DCC: variants seen among roughly 807,000 people sequenced by gnomAD.
The protein encoded by DCC is DCC netrin 1 receptor, also known as netrin receptor DCC.
In DCC, 58 loss-of-function variants were observed where a neutral mutation model predicts 172.5. The observed-to-expected ratio is 0.34, with a 90% CI of 0.27 to 0.42. DCC has a LOEUF of 0.42. Ranked by LOEUF, DCC falls within the 10% of genes least tolerant of loss-of-function variation. The pLI, the probability that DCC is intolerant of heterozygous loss-of-function variation, is 1.00. For synonymous variants in DCC, 709 were observed against 644.5 expected (o/e 1.10, Z -1.52); for missense variants, 1,740 against 1,791.0 (o/e 0.97, Z 0.51).
chr18:52,409,181 A>T (rs1165449524), intron 1 of DCC: 1 of 152,126 alleles, frequency 6.6e-6, no homozygotes, highest in African/African-American at 2.4e-5. Flanking sequence ...TATTCCATTT[A>T]CATTGCACCT....
chr18:52,593,339 T>C (rs548887565), intron 1 of DCC, among the ~76,000 whole-genome samples: 262 of 152,284 alleles, frequency 1.7e-3, no homozygotes, highest in Non-Finnish European at 2.9e-3. Context: ...TCCCACTACG[T>C]AAAACTCCCT....
At chr18:52,808,472 T>C (rs2038129942) in intron 2 of DCC, among the ~76,000 whole-genome samples, 1 of 151,758 alleles carries the variant, frequency 6.6e-6, no homozygotes, top group African/African-American at 2.4e-5. Flanking sequence ...ATAAATCTTG[T>C]CATGAAAAAC....
intron 2 of DCC, among the ~76,000 whole-genome samples, chr18:52,887,298 C>T (rs539676578): frequency 6.6e-6 from 1 of 151,774 alleles, no homozygotes; most frequent in Admixed American, 6.6e-5. Context: ...TAGAAACAAT[C>T]ATCAATGGTT....
At position 52,783,467 on chromosome 18, in the gene DCC, C is replaced by T. The variant is rs118064373; in HGVS notation, c.412+31093C>T. ...TGTAATGTGACTTGAGACCTAACAA[C>T]ACCCTCTAATTCTTTCTGAATCCTT... On this transcript the variant is annotated intron_variant, in intron 2 of 28. Transcript: ENST00000442544. Among the ~76,000 whole-genome samples the T allele has an allele frequency of 5.4e-3, 810 of 150,608 alleles. 3 individuals carry two copies. Among genetic ancestry groups the T allele is most frequent in the Non-Finnish European group, 9.6e-3 (653 of 67,740 alleles).
intron 8 of DCC, among the ~76,000 whole-genome samples, chr18:53,158,789 C>T (rs913391122): frequency 1.3e-5 from 2 of 151,870 alleles, no homozygotes; most frequent in Non-Finnish European, 2.9e-5. Context: ...GTCAGGAGTT[C>T]AAGACCAGCC....
At chr18:52,673,316 C>T (rs2035587541) in intron 1 of DCC, among the ~76,000 whole-genome samples, 2 of 152,094 alleles carry the variant, frequency 1.3e-5, no homozygotes, top group African/African-American at 4.8e-5. Context: ...TGTCATGTTT[C>T]CTTAGTCTCA....
intron 12 of DCC, among the ~76,000 whole-genome samples, chr18:53,221,837 C>T (rs1449655055): frequency 6.6e-6 from 1 of 152,126 alleles, no homozygotes. Context: ...GGAAGAGATG[C>T]CTCACTTCCC....
chr18:53,370,327 GAGTCTTCTATTTTTCTT>G (rs1055487248), intron 15 of DCC, among the ~76,000 whole-genome samples: 11 of 151,562 alleles, frequency 7.3e-5, no homozygotes, highest in Non-Finnish European at 1.5e-4. Flanking sequence ...TCAGTAATTT[GAGTCTTCTATTTTTCTT>G]AGTTCATCAA....
intron 1 of DCC, among the ~76,000 whole-genome samples, chr18:52,459,127 C>G (rs144898022): frequency 6.6e-6 from 1 of 152,228 alleles, no homozygotes; most frequent in East Asian, 1.9e-4. Context: ...CCACAGAATT[C>G]TCTGATAACT....
chr18:53,407,528 G>GAT (rs74180422), intron 19 of DCC, among the ~76,000 whole-genome samples: 6,183 of 117,336 alleles, frequency 0.053, 213 homozygotes, highest in Middle Eastern at 0.099. Flanking sequence ...TTTTATTCTG[G>GAT]ATATATATAT....
intron 5 of DCC, among the ~76,000 whole-genome samples, chr18:52,962,269 A>G (rs955839203): frequency 1.1e-4 from 17 of 152,170 alleles, no homozygotes; most frequent in Admixed American, 8.5e-4. Context: ...CAAGAAAAAA[A>G]CAACCCCATC....
chr18:53,185,597 C>T (rs1417174099), intron 9 of DCC, among the ~76,000 whole-genome samples: 7 of 152,092 alleles, frequency 4.6e-5, no homozygotes, highest in African/African-American at 7.2e-5. Context: ...CCACATCTCA[C>T]GAATTCATAT....
intron 12 of DCC, among the ~76,000 whole-genome samples, chr18:53,245,238 G>A (rs1237751971): frequency 6.6e-6 from 1 of 152,078 alleles, no homozygotes; most frequent in African/African-American, 2.4e-5. Context: ...CTGCTTCTCT[G>A]TCATCTGCTT....
At chr18:53,511,115 T>G (rs2046246060) in intron 27 of DCC, among the ~76,000 whole-genome samples, 1 of 152,120 alleles carries the variant, frequency 6.6e-6, no homozygotes, top group Admixed American at 6.5e-5. Context: ...GATAAGAAAA[T>G]GTAGGAAAAG....
At chr18:52,346,998 T>C (rs557748346) in intron 1 of DCC, among the ~76,000 whole-genome samples, 6 of 152,322 alleles carry the variant, frequency 3.9e-5, no homozygotes, top group African/African-American at 1.4e-4. Context: ...TTTATTGCAA[T>C]TTGGAGATTT....
chr18:53,498,886 A>G (rs538419657), intron 26 of DCC, among the ~76,000 whole-genome samples: 2 of 152,210 alleles, frequency 1.3e-5, no homozygotes, highest in Admixed American at 1.3e-4. Flanking sequence ...TGTTTAAATC[A>G]CAGAAAAATT....
rs766671328 is a variant in DCC, at chr18:53,499,261, CAGGAATA to C, written c.3899-35_3899-29del. On this transcript the variant is annotated intron_variant, in intron 26 of 28. Transcript: ENST00000442544. The stretch of plus-strand genomic sequence containing the variant: ...TGACTTAAGGAAAACAGACTTTGTC[CAGGAATA>C]ATGAATGACTTTTCTTGTCTCCACT... 1.2e-5 allele frequency: 19 copies of C among 1,606,862 alleles called. 1 individual carries two copies. The East Asian group carries it at 4.2e-4, about 36-fold the overall frequency.
intron 2 of DCC, among the ~76,000 whole-genome samples, chr18:52,857,740 A>C (rs2039076413): frequency 6.6e-6 from 1 of 152,134 alleles, no homozygotes; most frequent in Non-Finnish European, 1.5e-5. Context: ...AATCACTGTG[A>C]TTTGAACTTT....
intron 3 of DCC, among the ~76,000 whole-genome samples, chr18:52,913,890 G>C (rs1007751792): frequency 3.3e-5 from 5 of 152,002 alleles, no homozygotes; most frequent in African/African-American, 1.2e-4. Flanking sequence ...GACCTGTAGA[G>C]CTTGCTTCCT....
Sources: allele counts gnomAD v4.1 joint callset (sites outside exome capture counted in the v4.1 genomes callset), GRCh38; gene constraint gnomAD v4.1.1; transcripts MANE v1.5; gene names NCBI Gene and HGNC (gene_info 2026-07-23, HGNC 2026-07-21).